Variants in PIP4K2A observed in about 807,000 individuals in gnomAD.
PIP4K2A encodes the protein phosphatidylinositol 5-phosphate 4-kinase type-2 alpha.
PIP4K2A carries 14 observed loss-of-function variants against 42.9 expected under a neutral mutation model. The observed-to-expected ratio is 0.33, with a 90% CI of 0.22 to 0.51. The LOEUF (loss-of-function observed/expected upper bound fraction) is 0.51. Among genes scored for constraint, PIP4K2A ranks in the 20% least tolerant of loss-of-function variants. PIP4K2A has a pLI of 0.97. For synonymous variants in PIP4K2A, 192 were observed against 192.2 expected (o/e 1.00, Z 0.01); for missense variants, 434 against 519.8 (o/e 0.83, Z 1.61).
chr10:22,671,965 T>C (rs986598922), intron 1 of PIP4K2A, among the ~76,000 whole-genome samples: 1 of 152,198 alleles, frequency 6.6e-6, no homozygotes, highest in African/African-American at 2.4e-5. Context: ...AATTTGTTTT[T>C]GGCAACCAAT....
intron 1 of PIP4K2A, among the ~76,000 whole-genome samples, chr10:22,664,232 C>CATATATATAT (rs1588694417): frequency 5.1e-5 from 5 of 98,250 alleles, no homozygotes; most frequent in Admixed American, 3.2e-4. Flanking sequence ...TATATATACA[C>CATATATATAT]ACACACACAC....
rs565551522 is a variant in PIP4K2A at position 22,558,705 on chromosome 10, G to A, written c.679-7933C>T. On this transcript the variant is annotated intron_variant, in intron 6 of 9. Transcript: ENST00000376573. ...TTCACAGTGAAAACAGTGAGAATGT[G>A]CACATCTGTGACTAGCATCCAGATG... Among the ~76,000 whole-genome samples the A allele has an allele frequency of 3.9e-5, 6 of 152,276 alleles. No homozygotes were observed. In the East Asian group the frequency reaches 1.2e-3, roughly 29 times the overall value.
intron 1 of PIP4K2A, among the ~76,000 whole-genome samples, chr10:22,623,607 G>A (rs926665972): frequency 5.3e-5 from 8 of 152,138 alleles, no homozygotes; most frequent in African/African-American, 1.7e-4. Context: ...AGAGGTTGGC[G>A]GTTGGCAGGG....
At chr10:22,596,023 T>C (rs142928833) in intron 3 of PIP4K2A, among the ~76,000 whole-genome samples, 1,925 of 151,448 alleles carry the variant, frequency 0.013, 23 homozygotes, top group Middle Eastern at 0.068. Flanking sequence ...CTGACCAACA[T>C]GGAGAAGCCC....
intron 6 of PIP4K2A, among the ~76,000 whole-genome samples, chr10:22,552,759 C>T (rs1283401315): frequency 6.6e-6 from 1 of 152,082 alleles, no homozygotes; most frequent in Non-Finnish European, 1.5e-5. Flanking sequence ...CCAGCAGACA[C>T]CTTGGGCATT....
intron 1 of PIP4K2A, among the ~76,000 whole-genome samples, chr10:22,622,796 A>G (rs1430337547): frequency 1.3e-5 from 2 of 152,232 alleles, no homozygotes; most frequent in African/African-American, 4.8e-5. Flanking sequence ...TTTTTTTCTC[A>G]ATGCTATTTA....
At chr10:22,585,749 C>T (rs906069613) in intron 4 of PIP4K2A, among the ~76,000 whole-genome samples, 2 of 152,014 alleles carry the variant, frequency 1.3e-5, no homozygotes, top group African/African-American at 4.8e-5. Flanking sequence ...TACAGGCATA[C>T]ACCCCCAGCT....
chr10:22,653,366 C>G (rs1839032259), intron 1 of PIP4K2A, among the ~76,000 whole-genome samples: 1 of 152,136 alleles, frequency 6.6e-6, no homozygotes, highest in African/African-American at 2.4e-5. Flanking sequence ...TGTCACACTG[C>G]AGGATACCGT....
chr10:22,697,111 G>T (rs1839987186), intron 1 of PIP4K2A, among the ~76,000 whole-genome samples: 1 of 148,434 alleles, frequency 6.7e-6, no homozygotes. Flanking sequence ...TTTCTTCAGT[G>T]TTCTCTGGAG....
intron 1 of PIP4K2A, among the ~76,000 whole-genome samples, chr10:22,631,643 G>A (rs1047276267): frequency 6.6e-6 from 1 of 152,076 alleles, no homozygotes; most frequent in African/African-American, 2.4e-5. Context: ...CACGTTCTAT[G>A]GAAGAAGAGG....
chr10:22,553,795 T>A (rs1185396906), intron 6 of PIP4K2A, among the ~76,000 whole-genome samples: 10 of 149,728 alleles, frequency 6.7e-5, no homozygotes, highest in Non-Finnish European at 1.3e-4. Context: ...AAAACTTTTT[T>A]TTTTTTTTTT....
At chr10:22,673,067 G>A (rs999196896) in intron 1 of PIP4K2A, among the ~76,000 whole-genome samples, 1 of 152,066 alleles carries the variant, frequency 6.6e-6, no homozygotes, top group Non-Finnish European at 1.5e-5. Context: ...AACACACTTG[G>A]GGTCTATCTG....
intron 1 of PIP4K2A, among the ~76,000 whole-genome samples, chr10:22,633,039 G>C (rs1838582206): frequency 6.6e-6 from 1 of 152,044 alleles, no homozygotes; most frequent in Non-Finnish European, 1.5e-5. Flanking sequence ...CACCCCAATA[G>C]CCTCCCATGT....
rs916802725 is a variant in PIP4K2A at position 22,705,742 on chromosome 10, C to T, written c.144+8441G>A. 7.2e-5 allele frequency among the ~76,000 whole-genome samples: 11 copies of T among 151,988 alleles called. 1 individual carries two copies. Among genetic ancestry groups the T allele is most frequent in the Admixed American group, 7.2e-4 (11 of 15,248 alleles). ...TGTTACTGGGTTCTGCCACTGTGGC[C>T]ACACCCAAAGCCAACTACTCACATT... On this transcript the variant is annotated intron_variant, in intron 1 of 9. Transcript: ENST00000376573.
chr10:22,708,539 T>C (rs1469843799), intron 1 of PIP4K2A, among the ~76,000 whole-genome samples: 2 of 152,150 alleles, frequency 1.3e-5, no homozygotes, highest in East Asian at 1.9e-4. Flanking sequence ...TCTAAATTGC[T>C]TGTGTCCCTT....
chr10:22,683,866 C>A (rs1839710771), intron 1 of PIP4K2A, among the ~76,000 whole-genome samples: 3 of 151,746 alleles, frequency 2.0e-5, no homozygotes, highest in Non-Finnish European at 4.4e-5. Context: ...CACACACACA[C>A]ACACACACAA....
intron 1 of PIP4K2A, among the ~76,000 whole-genome samples, chr10:22,689,617 T>G (rs1839822123): frequency 6.6e-6 from 1 of 152,166 alleles, no homozygotes; most frequent in African/African-American, 2.4e-5. Context: ...TTGAGCATCT[T>G]CAGGATTTTG....
intron 6 of PIP4K2A, among the ~76,000 whole-genome samples, chr10:22,558,235 C>G (rs12414917): frequency 6.6e-6 from 1 of 152,056 alleles, no homozygotes; most frequent in African/African-American, 2.4e-5. Context: ...CCAAGCTCAC[C>G]CAAATGAAAA....
intron 1 of PIP4K2A, among the ~76,000 whole-genome samples, chr10:22,627,335 T>C (rs770997656): frequency 6.6e-6 from 1 of 151,880 alleles, no homozygotes; most frequent in Non-Finnish European, 1.5e-5. Flanking sequence ...AGTATTTAAC[T>C]CTCACAGTCT....
Sources: allele counts gnomAD v4.1 joint callset (sites outside exome capture counted in the v4.1 genomes callset), GRCh38; gene constraint gnomAD v4.1.1; transcripts MANE v1.5; gene names NCBI Gene and HGNC (gene_info 2026-07-23, HGNC 2026-07-21).